RAD51B: variants seen among roughly 807,000 people sequenced by gnomAD.
RAD51B encodes DNA repair protein RAD51 homolog 2.
Under a neutral mutation model 42.2 loss-of-function variants are expected in RAD51B, and 38 were observed. The ratio of observed to expected loss-of-function variants is 0.90; its 90% CI spans 0.70 to 1.18. RAD51B has a LOEUF of 1.18. Among genes scored for constraint, RAD51B ranks in the 50% most tolerant of loss-of-function variants. The pLI, the probability that RAD51B is intolerant of heterozygous loss-of-function variation, is 0.00. For missense variants in RAD51B, 373 were observed against 400.7 expected (o/e 0.93, Z 0.59); for synonymous variants, 154 against 145.2 (o/e 1.06, Z -0.43).
chr14:68,265,502 C>T (rs2139564112), intron 7 of RAD51B, among the ~76,000 whole-genome samples: 1 of 152,288 alleles, frequency 6.6e-6, no homozygotes, highest in African/African-American at 2.4e-5. Context: ...GTAATCCTAG[C>T]ACTTTGGGAG....
chr14:68,029,799 G>T (rs73284237), intron 7 of RAD51B, among the ~76,000 whole-genome samples: 2 of 152,164 alleles, frequency 1.3e-5, no homozygotes, highest in African/African-American at 2.4e-5. Context: ...AGACGAATCC[G>T]TATCTGTGGC....
rs896892115 is a variant in RAD51B at position 68,079,310 on chromosome 14, C to A, written c.756+192106C>A. Among the ~76,000 whole-genome samples, 3 of 152,170 alleles carry A rather than the reference C, an allele frequency of 2.0e-5. No individual in the cohort carries two copies. In the South Asian group the frequency reaches 6.2e-4, roughly 32 times the overall value. ...TATAACCCACTTTTCTTTTTTATTT[C>A]ATGTGGTCTTGGCAAATCATGTTTT... On this transcript the variant is annotated intron_variant, in intron 7 of 10. Transcript: ENST00000471583.
intron 7 of RAD51B, among the ~76,000 whole-genome samples, chr14:68,272,639 ATATAT>A (rs1566775507): frequency 0.01 from 109 of 10,806 alleles, 2 homozygotes; most frequent in African/African-American, 0.044. Context: ...AACACTTTAT[ATATAT>A]ATATATATAT....
At chr14:68,314,872 A>G (rs986225137) in intron 8 of RAD51B, among the ~76,000 whole-genome samples, 3 of 152,194 alleles carry the variant, frequency 2.0e-5, no homozygotes, top group African/African-American at 7.2e-5. Flanking sequence ...TCCAGTTGCC[A>G]GAACCCAGTT....
At chr14:68,044,752 G>A (rs895544447) in intron 7 of RAD51B, among the ~76,000 whole-genome samples, 8 of 150,422 alleles carry the variant, frequency 5.3e-5, no homozygotes, top group African/African-American at 1.7e-4. Context: ...GCTTGCCCCC[G>A]CCCCCAACCT....
At chr14:68,639,654 A>T (rs868084497) in intron 10 of RAD51B, among the ~76,000 whole-genome samples, 1 of 152,244 alleles carries the variant, frequency 6.6e-6, no homozygotes, top group Non-Finnish European at 1.5e-5. Flanking sequence ...TTGAGGGAAC[A>T]GAGAGAAAAA....
chr14:68,591,189 T>A (rs1337768720), intron 10 of RAD51B, among the ~76,000 whole-genome samples: 1 of 151,252 alleles, frequency 6.6e-6, no homozygotes, highest in Non-Finnish European at 1.5e-5. Context: ...AACAGGAGAG[T>A]GAGTTGGGTC....
intron 10 of RAD51B, among the ~76,000 whole-genome samples, chr14:68,581,246 T>C (rs768024436): frequency 6.6e-6 from 1 of 152,204 alleles, no homozygotes; most frequent in Non-Finnish European, 1.5e-5. Flanking sequence ...TCTCCCATGA[T>C]GCTGGGTGGT....
chr14:68,553,089 GTGTT>G (rs1888659992), intron 10 of RAD51B, among the ~76,000 whole-genome samples: 1 of 152,102 alleles, frequency 6.6e-6, no homozygotes, highest in Non-Finnish European at 1.5e-5. Context: ...GCACATATTT[GTGTT>G]TGTTGTTGCT....
At chr14:68,569,953 G>T (rs969818320) in intron 10 of RAD51B, among the ~76,000 whole-genome samples, 3 of 152,242 alleles carry the variant, frequency 2.0e-5, no homozygotes, top group African/African-American at 7.2e-5. Flanking sequence ...GGGCATGGTT[G>T]TGAACCAGGC....
intron 7 of RAD51B, among the ~76,000 whole-genome samples, chr14:68,166,421 T>C (rs1221331148): frequency 2.0e-5 from 3 of 152,166 alleles, no homozygotes; most frequent in East Asian, 3.8e-4. Context: ...TTGCCAAATT[T>C]AACTCTTTTT....
chr14:67,931,390 C>A (rs2044727658), intron 7 of RAD51B, among the ~76,000 whole-genome samples: 1 of 151,472 alleles, frequency 6.6e-6, no homozygotes, highest in Admixed American at 6.6e-5. Context: ...TAAACTGCTC[C>A]TTTATTTCCT....
intron 10 of RAD51B, among the ~76,000 whole-genome samples, chr14:68,487,583 A>C (rs1883730119): frequency 6.6e-6 from 1 of 151,420 alleles, no homozygotes; most frequent in Non-Finnish European, 1.5e-5. Flanking sequence ...ATCTTGACTC[A>C]CTGCAGTCTC....
At chr14:67,854,521 C>A (rs959583801) in intron 4 of RAD51B, among the ~76,000 whole-genome samples, 2 of 151,644 alleles carry the variant, frequency 1.3e-5, no homozygotes, top group Non-Finnish European at 2.9e-5. Flanking sequence ...GTTGTGCCAG[C>A]TACTTGGGAG....
intron 8 of RAD51B, among the ~76,000 whole-genome samples, chr14:68,332,347 C>T (rs565529787): frequency 3.3e-4 from 50 of 152,244 alleles, no homozygotes; most frequent in African/African-American, 1.1e-3. Context: ...TAAACACATA[C>T]TTTGGTCATT....
intron 7 of RAD51B, among the ~76,000 whole-genome samples, chr14:68,050,993 C>T (rs1474970505): frequency 6.6e-6 from 1 of 151,360 alleles, no homozygotes; most frequent in Non-Finnish European, 1.5e-5. Flanking sequence ...ATTGGATGAG[C>T]AGATATTAAA....
intron 7 of RAD51B, among the ~76,000 whole-genome samples, chr14:68,127,964 T>C (rs1486485036): frequency 6.6e-6 from 1 of 152,202 alleles, no homozygotes; most frequent in African/African-American, 2.4e-5. Context: ...GCATAGGGCT[T>C]GGAGAGCATG....
intron 7 of RAD51B, among the ~76,000 whole-genome samples, chr14:68,000,579 T>C (rs532374525): frequency 6.6e-6 from 1 of 152,268 alleles, no homozygotes; most frequent in African/African-American, 2.4e-5. Flanking sequence ...AAATTATTAG[T>C]GTTTTGCATT....
At chr14:68,038,712 T>A (rs1180204014) in intron 7 of RAD51B, among the ~76,000 whole-genome samples, 1 of 152,196 alleles carries the variant, frequency 6.6e-6, no homozygotes, top group East Asian at 1.9e-4. Context: ...TGGCCAATGA[T>A]GTGTTGGAGG....
Sources: allele counts gnomAD v4.1 joint callset (sites outside exome capture counted in the v4.1 genomes callset), GRCh38; gene constraint gnomAD v4.1.1; transcripts MANE v1.5; gene names NCBI Gene and HGNC (gene_info 2026-07-23, HGNC 2026-07-21).